The following GPC5 variants were observed in gnomAD, a reference collection of about 807,000 sequenced individuals.
The protein encoded by GPC5 is glypican 5, also known as glypican-5.
In GPC5, 47 loss-of-function variants were observed where a neutral mutation model predicts 53.9. The ratio of observed to expected loss-of-function variants is 0.87; its 90% CI spans 0.69 to 1.11. The LOEUF (loss-of-function observed/expected upper bound fraction) is 1.11. Among genes scored for constraint, GPC5 ranks in the 50% most tolerant of loss-of-function variants. The pLI, the probability that GPC5 is intolerant of heterozygous loss-of-function variation, is 0.00. For missense variants in GPC5, 748 were observed against 713.1 expected (o/e 1.05, Z -0.56); for synonymous variants, 286 against 263.3 (o/e 1.09, Z -0.84).
chr13:91,425,811 G>A (rs996700417), intron 1 of GPC5, among the ~76,000 whole-genome samples: 7 of 152,182 alleles, frequency 4.6e-5, no homozygotes, highest in Non-Finnish European at 8.8e-5. Flanking sequence ...ACAGTTTGGA[G>A]GGCTCAGAAG....
Position 92,250,103 on chromosome 13 carries a change from T to C in GPC5, c.1561+105114T>C, listed in dbSNP as rs1235563904. On this transcript the variant is annotated intron_variant, in intron 7 of 7. Transcript: ENST00000377067. Reference sequence around the variant, plus strand: ...TCACAACTAGTAATCAGATTATGAATTGTGGTACAGCTCCATAAACACTTA... The same window carrying C: ...TCACAACTAGTAATCAGATTATGAACTGTGGTACAGCTCCATAAACACTTA... Among the ~76,000 whole-genome samples the C allele has an allele frequency of 2.6e-5, 4 of 152,084 alleles. No individual in the cohort carries two copies. The East Asian group carries it at 7.7e-4, about 29-fold the overall frequency.
chr13:92,378,062 G>A (rs2043709301), intron 7 of GPC5, among the ~76,000 whole-genome samples: 1 of 151,470 alleles, frequency 6.6e-6, no homozygotes, highest in Admixed American at 6.6e-5. Flanking sequence ...TTATTCTCAG[G>A]CATATTTCCT....
At chr13:92,024,747 T>C (rs2040787207) in intron 6 of GPC5, among the ~76,000 whole-genome samples, 1 of 152,184 alleles carries the variant, frequency 6.6e-6, no homozygotes, top group Non-Finnish European at 1.5e-5. Context: ...TTGGTGCTTT[T>C]TATTCCCCTC....
intron 7 of GPC5, among the ~76,000 whole-genome samples, chr13:92,436,718 A>T (rs1019033475): frequency 6.6e-6 from 1 of 152,284 alleles, no homozygotes; most frequent in Admixed American, 6.5e-5. Context: ...TATTTAATTC[A>T]TATTATTAGG....
chr13:91,581,530 G>C (rs1304865282), intron 2 of GPC5, among the ~76,000 whole-genome samples: 4 of 152,104 alleles, frequency 2.6e-5, no homozygotes, highest in Admixed American at 2.6e-4. Flanking sequence ...TTCTTCTCCA[G>C]TGCTAGCTAC....
intron 7 of GPC5, among the ~76,000 whole-genome samples, chr13:92,851,402 A>T: frequency 6.6e-6 from 1 of 152,200 alleles, no homozygotes; most frequent in East Asian, 1.9e-4. Flanking sequence ...ACGCTGGAAG[A>T]GTCTTCTCTC....
At chr13:92,716,880 A>AAAT (rs1555306049) in intron 7 of GPC5, among the ~76,000 whole-genome samples, 1 of 152,206 alleles carries the variant, frequency 6.6e-6, no homozygotes, top group Admixed American at 6.5e-5. Context: ...TGTGGACATG[A>AAAT]AATTAAAATA....
At chr13:92,648,924 G>A (rs1366998826) in intron 7 of GPC5, among the ~76,000 whole-genome samples, 2 of 152,046 alleles carry the variant, frequency 1.3e-5, no homozygotes, top group Non-Finnish European at 2.9e-5. Context: ...TTCTCATGGA[G>A]GGTGGTTATT....
chr13:92,477,811 T>C (rs1879211092), intron 7 of GPC5, among the ~76,000 whole-genome samples: 2 of 151,998 alleles, frequency 1.3e-5, no homozygotes, highest in Non-Finnish European at 2.9e-5. Context: ...TGTGTTGTTA[T>C]TGGGGAAAAT....
chr13:92,134,454 A>C (rs1432346382), intron 6 of GPC5, among the ~76,000 whole-genome samples: 1 of 152,144 alleles, frequency 6.6e-6, no homozygotes, highest in African/African-American at 2.4e-5. Flanking sequence ...ACTTTTGTGG[A>C]TATTTAAACA....
chr13:91,831,223 C>T (rs1050699504), intron 5 of GPC5, among the ~76,000 whole-genome samples: 4 of 150,940 alleles, frequency 2.7e-5, no homozygotes, highest in Admixed American at 6.7e-5. Context: ...AGTCCCAAAA[C>T]TTGGAGTCTG....
At chr13:92,537,058 T>A (rs1471661896) in intron 7 of GPC5, among the ~76,000 whole-genome samples, 3 of 152,076 alleles carry the variant, frequency 2.0e-5, no homozygotes, top group African/African-American at 7.2e-5. Context: ...AATTAAGGGG[T>A]ATTCTAAGAA....
At chr13:92,064,764 A>AAAAAAAAAAAAAAAAAAAAAAC (rs1555308147) in intron 6 of GPC5, among the ~76,000 whole-genome samples, 16 of 138,358 alleles carry the variant, frequency 1.2e-4, no homozygotes, top group Admixed American at 3.0e-4. Flanking sequence ...CTCAAAAAAA[A>AAAAAAAAAAAAAAAAAAAAAAC]AAAACAAAAC....
chr13:92,580,183 T>A (rs1021923718), intron 7 of GPC5, among the ~76,000 whole-genome samples: 17 of 152,194 alleles, frequency 1.1e-4, no homozygotes, highest in African/African-American at 3.9e-4. Flanking sequence ...AGGTGACAAC[T>A]AAACATTAAA....
At chr13:92,556,792 T>C (rs1481803915) in intron 7 of GPC5, among the ~76,000 whole-genome samples, 1 of 151,872 alleles carries the variant, frequency 6.6e-6, no homozygotes, top group African/African-American at 2.4e-5. Context: ...CTTAAAACGG[T>C]GTTAATCATC....
intron 7 of GPC5, among the ~76,000 whole-genome samples, chr13:92,178,390 C>A (rs1207795798): frequency 6.6e-6 from 1 of 151,194 alleles, no homozygotes. Flanking sequence ...CCTATTAGTG[C>A]CTTCAACTTG....
intron 7 of GPC5, among the ~76,000 whole-genome samples, chr13:92,491,526 A>G (rs1879760881): frequency 6.6e-6 from 1 of 152,156 alleles, no homozygotes; most frequent in Non-Finnish European, 1.5e-5. Flanking sequence ...CTCAACACAC[A>G]TCGGCAGCAC....
At chr13:92,493,508 T>C (rs539181703) in intron 7 of GPC5, among the ~76,000 whole-genome samples, 27 of 152,268 alleles carry the variant, frequency 1.8e-4, no homozygotes, top group Non-Finnish European at 3.8e-4. Context: ...TTTGTGGGGT[T>C]AACTGCAGTA....
chr13:91,467,660 T>C (rs1289793794), intron 2 of GPC5, among the ~76,000 whole-genome samples: 51 of 152,174 alleles, frequency 3.4e-4, no homozygotes, highest in Non-Finnish European at 5.9e-5. Flanking sequence ...AACATCTGTT[T>C]AAATTTTCAA....
Sources: gnomAD v4.1 joint callset for allele counts (sites outside exome capture counted in the v4.1 genomes callset) on GRCh38, gnomAD v4.1.1 for gene constraint, MANE v1.5 for transcripts, NCBI Gene and HGNC (gene_info 2026-07-23, HGNC 2026-07-21) for gene names.